The following MGAM2 variants were observed in gnomAD, a reference collection of about 807,000 sequenced individuals.
The protein encoded by MGAM2 is probable maltase-glucoamylase 2.
MGAM2 carries 98 observed loss-of-function variants against 96.1 expected under a neutral mutation model. That is an observed-to-expected ratio of 1.02 (90% CI 0.87 to 1.21). MGAM2 has a LOEUF of 1.21. Ranked by LOEUF, MGAM2 falls within the 50% of genes most tolerant of loss-of-function variation. MGAM2 has a pLI of 0.00. For synonymous variants in MGAM2, 749 were observed against 414.8 expected, an observed-to-expected ratio of 1.81 and a Z score of -9.79; for missense variants, 2,055 against 1,182.4, an observed-to-expected ratio of 1.74 and a Z score of -10.82.
At position 142,159,406 on chromosome 7, in the gene MGAM2, G is replaced by A. The variant is rs563763818; in HGVS notation, c.2220+63G>A. The A allele has an allele frequency of 5.7e-6, 4 of 696,182 alleles. No individual in the cohort carries two copies. In the East Asian group the frequency reaches 1.1e-4, roughly 19 times the overall value. The allele number at this position is 696,182 out of a possible 1,614,324, so 43.1% of individuals were successfully genotyped here. ...TCTAGCAGAGGGCAATTCTAAAGCA[G>A]CAGTCTTGGGAGCTTGCCATAGAAT... On this transcript the variant is annotated intron_variant, in intron 20 of 47. Transcript: ENST00000477922.
At chr7:142,186,391 A>G (rs1482473776) in intron 35 of MGAM2, among the ~76,000 whole-genome samples, 1 of 151,958 alleles carries the variant, frequency 6.6e-6, no homozygotes, top group Admixed American at 6.6e-5. Flanking sequence ...GGGAGAAATC[A>G]CCTCCCATCT....
At chr7:142,214,102 C>A (rs1797674486) in intron 46 of MGAM2, among the ~76,000 whole-genome samples, 1 of 152,176 alleles carries the variant, frequency 6.6e-6, no homozygotes, top group South Asian at 2.1e-4. Context: ...TGATAAAATT[C>A]AACACCCTTT....
At chr7:142,161,856 G>A in intron 22 of MGAM2, 99 bp from the exon 23 acceptor site, 1 of 566,492 alleles carries the variant, frequency 1.8e-6, no homozygotes, top group Non-Finnish European at 3.1e-6. Context: ...AGCAGAACTA[G>A]ATGGTTGGTA....
Position 142,114,224 on chromosome 7 carries a change from A to AAGAAAGAAAGAAAGAG in MGAM2, c.-1+2426_-1+2427insGAAAGAGAGAAAGAAA, listed in dbSNP as rs1554499608. ...AAAGAAAGAAAGAAAGAGAGAAAGA[A>AAGAAAGAAAGAAAGAG]AGAAAGAAATAGGAGACTACAAAGA... On this transcript the variant is annotated intron_variant, in intron 1 of 47. Coordinates refer to ENST00000477922, the MANE Select transcript of MGAM2 (RefSeq NM_001293626.2). Among the ~76,000 whole-genome samples the AAGAAAGAAAGAAAGAG allele has an allele frequency of 6.9e-4, 95 of 137,056 alleles. 1 individual carries two copies. The highest frequency in any genetic ancestry group is 1.3e-3 in the Non-Finnish European group (80 of 62,930). The allele number at this position is 137,056 out of a possible 152,430, so 89.9% of individuals were successfully genotyped here. A position where few individuals can be genotyped will look rare whatever the true frequency, so the allele number is the denominator to read the frequency against.
chr7:142,191,883 T>G (rs796785590), intron 37 of MGAM2, among the ~76,000 whole-genome samples: 4 of 152,296 alleles, frequency 2.6e-5, no homozygotes, highest in African/African-American at 9.6e-5. Context: ...AGATCTTTAA[T>G]TTTTTCAACA....
At chr7:142,184,425 C>CA (rs1796634702) in intron 33 of MGAM2, among the ~76,000 whole-genome samples, 1 of 152,156 alleles carries the variant, frequency 6.6e-6, no homozygotes, top group African/African-American at 2.4e-5. Flanking sequence ...GTATAGCATA[C>CA]AGTGTAGCAT....
At chr7:142,114,741 A>G (rs537276983) in intron 1 of MGAM2, among the ~76,000 whole-genome samples, 1 of 152,276 alleles carries the variant, frequency 6.6e-6, no homozygotes, top group South Asian at 2.1e-4. Context: ...TTGAGAATAG[A>G]GGGGGAAAAA....
In MGAM2 at chr7:142,198,643, G is replaced by A; in HGVS notation, c.4952G>A (p.Arg1651Lys). 1.4e-6 allele frequency: 1 copy of A among 703,252 alleles called. No homozygotes were observed. The allele number at this position is 703,252 out of a possible 1,614,324, so 43.6% of individuals were successfully genotyped here. The change falls in exon 44 of 48, where the codon AGG (arginine) becomes AAG (lysine). Residue 1651 changes from arginine to lysine, a missense_variant. By Grantham distance (26) the Arg-to-Lys change is conservative (BLOSUM62 2). Transcript: ENST00000477922. ...TGTSSTSTGQ[R>K]KILKAPLDHI... ...ACTAGCAGCACATCAACAGGTCAGAGGAAAATCCTGAAGGCTCCCCTTGAC... is the reference window on the plus strand; with the variant it reads ...ACTAGCAGCACATCAACAGGTCAGAAGAAAATCCTGAAGGCTCCCCTTGAC...
intron 43 of MGAM2, 56 bp downstream of exon 43, chr7:142,198,251 G>T: frequency 1.5e-6 from 1 of 673,388 alleles, no homozygotes; most frequent in Admixed American, 2.2e-5. Flanking sequence ...GTGGAGAGGT[G>T]GATAGAGCCT....
At chr7:142,129,925 T>A (rs1188671410) in intron 3 of MGAM2, among the ~76,000 whole-genome samples, 1 of 150,522 alleles carries the variant, frequency 6.6e-6, no homozygotes, top group Non-Finnish European at 1.5e-5. Flanking sequence ...TGCTGTTTTA[T>A]AAACAGATTT....
In MGAM2 at chr7:142,167,288, G is replaced by A; in HGVS notation, c.2829G>A (p.Val943=). The A allele has an allele frequency of 1.4e-6, 1 of 699,488 alleles. No homozygotes were observed. The highest frequency in any genetic ancestry group is 1.5e-5 in the South Asian group (1 of 67,058). The allele number at this position is 699,488 out of a possible 1,614,324, so 43.3% of individuals were successfully genotyped here. ...CLWEDTSTPG[V]PTCYYDTIPN... is the part of the protein sequence containing the mutation. Reference sequence around the variant, plus strand: ...TCCAGGACACATCTACTCCTGGAGTGCCCACCTGTTACTATGACACCATCC... The same window carrying A: ...TCCAGGACACATCTACTCCTGGAGTACCCACCTGTTACTATGACACCATCC... Residue 943 remains valine, a synonymous_variant, in exon 26 of 48, where the codon GTG becomes GTA. Coordinates refer to ENST00000477922, the MANE Select transcript of MGAM2 (RefSeq NM_001293626.2).
At chr7:142,158,359 G>A (rs1322632566) in intron 19 of MGAM2, 27 bp downstream of exon 19, 1 of 702,732 alleles carries the variant, frequency 1.4e-6, no homozygotes. Flanking sequence ...AACAATGAAA[G>A]GGGGTATTGC....
chr7:142,188,939 G>C (rs934899786), intron 36 of MGAM2, among the ~76,000 whole-genome samples: 1 of 152,194 alleles, frequency 6.6e-6, no homozygotes, highest in African/African-American at 2.4e-5. Flanking sequence ...CACATTGTAA[G>C]TTAAGGATCA....
chr7:142,157,249 A>T (rs1170749681), intron 17 of MGAM2, among the ~76,000 whole-genome samples: 1 of 152,336 alleles, frequency 6.6e-6, no homozygotes, highest in East Asian at 1.9e-4. Flanking sequence ...TTATTTCCCA[A>T]ATAAAATATG....
chr7:142,208,693 C>A, intron 46 of MGAM2, 71 bp downstream of exon 46: 1 of 674,826 alleles, frequency 1.5e-6, no homozygotes, highest in South Asian at 1.6e-5. Context: ...CAGTTAACTG[C>A]GTAAATGTAA....
chr7:142,118,049 G>A (rs1817476910), intron 2 of MGAM2, among the ~76,000 whole-genome samples: 2 of 151,054 alleles, frequency 1.3e-5, no homozygotes, highest in Non-Finnish European at 3.0e-5. Context: ...CCTCTTACTG[G>A]ATTTTTAAGT....
chr7:142,178,601 T>G (rs1310388369), intron 32 of MGAM2, among the ~76,000 whole-genome samples: 1 of 152,190 alleles, frequency 6.6e-6, no homozygotes, highest in Non-Finnish European at 1.5e-5. Context: ...CACCATTTAT[T>G]AATAAAGAAT....
chr7:142,138,598 C>T lies in MGAM2; in HGVS notation c.1017C>T (p.Arg339=). ...PYWSLGFQLS[R]RDYGGINKLK... is the part of the protein sequence containing the mutation. ...GGAGTCTTGGGTTCCAGCTTAGTCGCAGGGACTATGGTGGCATCAATAAAT... is the reference window on the plus strand; with the variant it reads ...GGAGTCTTGGGTTCCAGCTTAGTCGTAGGGACTATGGTGGCATCAATAAAT... The change falls in exon 10 of 48, where the codon CGC becomes CGT. Residue 339 remains arginine, a synonymous_variant. Coordinates refer to ENST00000477922, the MANE Select transcript of MGAM2 (RefSeq NM_001293626.2). The T allele has an allele frequency of 1.4e-6, 1 of 703,170 alleles. No homozygotes were observed. Among genetic ancestry groups the T allele is most frequent in the Non-Finnish European group, 2.6e-6 (1 of 384,996 alleles). 43.6% of individuals were successfully genotyped at this position (703,170 alleles called of 1,614,324 possible).
At chr7:142,116,017 C>T (rs1483025564) in intron 1 of MGAM2, among the ~76,000 whole-genome samples, 2 of 152,072 alleles carry the variant, frequency 1.3e-5, no homozygotes, top group Non-Finnish European at 2.9e-5. Flanking sequence ...GCGAAGAAGG[C>T]ATTGCAGCTG....
Sources: allele counts gnomAD v4.1 joint callset (sites outside exome capture counted in the v4.1 genomes callset), GRCh38; gene constraint gnomAD v4.1.1; transcripts MANE v1.5; gene names NCBI Gene and HGNC (gene_info 2026-07-23, HGNC 2026-07-21).